The following ZMYM4 variants were observed in gnomAD, a reference collection of about 807,000 sequenced individuals.
ZMYM4 encodes zinc finger MYM-type containing 4, also known as zinc finger MYM-type protein 4.
Under a neutral mutation model 183.2 loss-of-function variants are expected in ZMYM4, and 31 were observed. That is an observed-to-expected ratio of 0.17 (90% CI 0.13 to 0.23). ZMYM4 has a LOEUF of 0.23. Among genes scored for constraint, ZMYM4 ranks in the 10% least tolerant of loss-of-function variants. The pLI, the probability that ZMYM4 is intolerant of heterozygous loss-of-function variation, is 1.00. For missense variants in ZMYM4, 1,273 were observed against 1,840.3 expected, an observed-to-expected ratio of 0.69 and a Z score of 5.64; for synonymous variants, 592 against 631.2, an observed-to-expected ratio of 0.94 and a Z score of 0.93.
At chr1:35,373,380 CTT>C (rs572118166) in intron 7 of ZMYM4, among the ~76,000 whole-genome samples, 7 of 132,574 alleles carry the variant, frequency 5.3e-5, no homozygotes, top group Non-Finnish European at 1.1e-4. Flanking sequence ...TTTTTTTTTT[CTT>C]TTTTTTTTTT....
At chr1:35,301,581 G>A (rs1293755154) in intron 1 of ZMYM4, among the ~76,000 whole-genome samples, 1 of 150,940 alleles carries the variant, frequency 6.6e-6, no homozygotes, top group Non-Finnish European at 1.5e-5. Context: ...TTTTCCTTCT[G>A]GTTGATGGAA....
chr1:35,371,062 A>AGTGT (rs67591506), intron 7 of ZMYM4, among the ~76,000 whole-genome samples: 3,812 of 125,876 alleles, frequency 0.03, 77 homozygotes, highest in Non-Finnish European at 0.04. Context: ...AATGGCTTCC[A>AGTGT]GTGTGTGTGT....
chr1:35,282,164 T>C (rs1640204038), intron 1 of ZMYM4, among the ~76,000 whole-genome samples: 1 of 152,266 alleles, frequency 6.6e-6, no homozygotes, highest in African/African-American at 2.4e-5. Context: ...ATGGTTTTAA[T>C]GAGTGTCTTT....
chr1:35,327,984 A>G (rs1261695764), intron 2 of ZMYM4, among the ~76,000 whole-genome samples: 2 of 152,214 alleles, frequency 1.3e-5, no homozygotes, highest in Non-Finnish European at 2.9e-5. Flanking sequence ...CTTTCGCCAA[A>G]TAATGTTTGA....
intron 2 of ZMYM4, among the ~76,000 whole-genome samples, chr1:35,358,048 ATTTGC>A (rs1308795261): frequency 6.6e-6 from 1 of 152,184 alleles, no homozygotes; most frequent in African/African-American, 2.4e-5. Context: ...AAAAAAGTCA[ATTTGC>A]TTTGACCATT....
chr1:35,277,685 A>G (rs1376646607), intron 1 of ZMYM4, among the ~76,000 whole-genome samples: 1 of 152,120 alleles, frequency 6.6e-6, no homozygotes, highest in East Asian at 1.9e-4. Context: ...GAATTCTTTC[A>G]TAAAGAATTC....
intron 18 of ZMYM4, among the ~76,000 whole-genome samples, chr1:35,395,591 T>C (rs932692205): frequency 6.6e-6 from 1 of 152,244 alleles, no homozygotes; most frequent in African/African-American, 2.4e-5. Flanking sequence ...TATATGCTCC[T>C]TGACTTATAA....
At chr1:35,306,752 C>T (rs1246799042) in intron 1 of ZMYM4, among the ~76,000 whole-genome samples, 1 of 152,132 alleles carries the variant, frequency 6.6e-6, no homozygotes, top group Non-Finnish European at 1.5e-5. Context: ...CTGTTGTGGA[C>T]CTCCTCTACT....
intron 22 of ZMYM4, among the ~76,000 whole-genome samples, 162 bp from the exon 23 acceptor site, chr1:35,399,320 G>A (rs1261802571): frequency 6.6e-6 from 1 of 152,078 alleles, no homozygotes; most frequent in Non-Finnish European, 1.5e-5. Flanking sequence ...TTTCATTTAT[G>A]CACTATATCC....
intron 1 of ZMYM4, chr1:35,309,074 G>A: frequency 7.1e-6 from 7 of 984,014 alleles, no homozygotes; most frequent in Non-Finnish European, 8.4e-6. Context: ...TTTGAGAGAG[G>A]TTCTATAGCA....
intron 26 of ZMYM4, among the ~76,000 whole-genome samples, chr1:35,409,953 A>AT (rs1183651230): frequency 6.6e-6 from 1 of 152,042 alleles, no homozygotes; most frequent in African/African-American, 2.4e-5. Context: ...AAAAAAAAAA[A>AT]AAATTCTCAT....
intron 15 of ZMYM4, 71 bp from the exon 16 acceptor site, chr1:35,392,141 C>T (rs1644719320): frequency 1.3e-6 from 2 of 1,590,254 alleles, no homozygotes; most frequent in Non-Finnish European, 1.7e-6. Flanking sequence ...TGTTTAACTT[C>T]CTTGAAATGG....
intron 7 of ZMYM4, among the ~76,000 whole-genome samples, chr1:35,380,723 CTTAATCATTAGGGTT>C (rs375865326): frequency 4.6e-5 from 7 of 152,184 alleles, no homozygotes; most frequent in African/African-American, 1.7e-4. Context: ...GGTAAGGAGC[CTTAATCATTAGGGTT>C]TTAATCTTCA....
At chr1:35,363,031 G>A (rs893233303) in intron 5 of ZMYM4, among the ~76,000 whole-genome samples, 4 of 152,214 alleles carry the variant, frequency 2.6e-5, no homozygotes, top group Non-Finnish European at 2.9e-5. Context: ...AATTAGCCAG[G>A]CATGGTGGCG....
In ZMYM4 at chr1:35,363,514, G is replaced by A. The variant is rs1049131910; in HGVS notation, c.840+1725G>A. On this transcript the variant is annotated intron_variant, in intron 5 of 29. Transcript: ENST00000314607. ...ATTAGAGTAAGCAGATGGAAGAATA[G>A]GAGATTGCAGAGGTTGGTGATTCAT... is the stretch of plus-strand genomic sequence containing the variant. Among the ~76,000 whole-genome samples, 13 of 152,130 alleles carry A rather than the reference G, an allele frequency of 8.5e-5. No individual in the cohort carries two copies. The East Asian group carries it at 9.6e-4, about 11-fold the overall frequency.
chr1:35,382,421 T>G (rs1022974740), intron 9 of ZMYM4, among the ~76,000 whole-genome samples: 1 of 151,822 alleles, frequency 6.6e-6, no homozygotes, highest in Non-Finnish European at 1.5e-5. Flanking sequence ...TTATACACGT[T>G]TATGCATTTG....
intron 1 of ZMYM4, among the ~76,000 whole-genome samples, chr1:35,280,160 C>A (rs1276689323): frequency 1.4e-5 from 2 of 148,022 alleles, no homozygotes; most frequent in Non-Finnish European, 3.0e-5. Context: ...TTCTTCCTTC[C>A]TCCCTTCCTC....
chr1:35,417,986 CAAG>C (rs1166716002), intron 28 of ZMYM4, among the ~76,000 whole-genome samples: 1 of 148,944 alleles, frequency 6.7e-6, no homozygotes, highest in Non-Finnish European at 1.5e-5. Flanking sequence ...CCGTCCTGGG[CAAG>C]AAGAGCAAAG....
chr1:35,269,227 C>T (rs1229011724), intron 1 of ZMYM4, 142 bp downstream of exon 1: 1 of 749,356 alleles, frequency 1.3e-6, no homozygotes, highest in Admixed American at 4.6e-5. Context: ...AGCCTTGGGT[C>T]CGGAGCGCGC....
Sources: gnomAD v4.1 joint callset for allele counts (sites outside exome capture counted in the v4.1 genomes callset) on GRCh38, gnomAD v4.1.1 for gene constraint, MANE v1.5 for transcripts, NCBI Gene and HGNC (gene_info 2026-07-23, HGNC 2026-07-21) for gene names.